Variants in S100Z observed in about 807,000 individuals in gnomAD.
S100Z encodes protein S100-Z.
Under a neutral mutation model 8.5 loss-of-function variants are expected in S100Z, and 11 were observed. The observed-to-expected ratio is 1.30, with a 90% CI of 0.82 to 2.15. S100Z has a LOEUF of 2.15. Among genes scored for constraint, S100Z ranks in the 30% most tolerant of loss-of-function variants. S100Z has a pLI of 0.00. For synonymous variants in S100Z, 34 were observed against 43.8 expected, an observed-to-expected ratio of 0.78 and a Z score of 0.89; for missense variants, 126 against 117.9, an observed-to-expected ratio of 1.07 and a Z score of -0.32.
At chr5:76,933,379 T>C in the S100Z span, among the ~76,000 whole-genome samples, 1 of 152,110 alleles carries the variant, frequency 6.6e-6, no homozygotes, top group Non-Finnish European at 1.5e-5. Context: ...CGAGAGGATT[T>C]CTAGAATTGG....
chr5:76,926,142 G>T (rs1371782618), downstream of S100Z, among the ~76,000 whole-genome samples: 9 of 150,864 alleles, frequency 6.0e-5, no homozygotes. Context: ...GGAGAAGCTT[G>T]TTTTTTTTTC....
intron 4 of S100Z, among the ~76,000 whole-genome samples, chr5:76,908,723 A>G (rs1744543049): frequency 6.6e-6 from 1 of 152,214 alleles, no homozygotes. Flanking sequence ...AATGAGGACA[A>G]AAGGCATCAC....
intron 1 of S100Z, among the ~76,000 whole-genome samples, chr5:76,863,790 G>C (rs551615502): frequency 1.3e-5 from 2 of 152,094 alleles, no homozygotes; most frequent in African/African-American, 4.8e-5. Flanking sequence ...CACCCACCTT[G>C]GCCTCCCAAA....
At chr5:76,948,357 T>C in the S100Z span, among the ~76,000 whole-genome samples, 1 of 80,940 alleles carries the variant, frequency 1.2e-5, no homozygotes, top group Non-Finnish European at 2.8e-5. Context: ...AAATGCCTTC[T>C]GCACAGCAAA....
chr5:76,885,768 A>G (rs921323336), intron 4 of S100Z, among the ~76,000 whole-genome samples: 3 of 150,960 alleles, frequency 2.0e-5, no homozygotes, highest in African/African-American at 7.3e-5. Context: ...GAAGGGATAG[A>G]GACACAGACA....
chr5:76,880,114 G>T (rs1182142134), intron 4 of S100Z, among the ~76,000 whole-genome samples: 1 of 152,194 alleles, frequency 6.6e-6, no homozygotes, highest in African/African-American at 2.4e-5. Flanking sequence ...ACATTCTCAA[G>T]GATGGGGAGA....
intron 4 of S100Z, among the ~76,000 whole-genome samples, chr5:76,906,813 A>T (rs1476273972): frequency 4.6e-5 from 7 of 151,342 alleles, no homozygotes; most frequent in Non-Finnish European, 8.8e-5. Flanking sequence ...TTGTGTTTTT[A>T]GTAGAGACAG....
the S100Z span, among the ~76,000 whole-genome samples, chr5:76,948,386 G>A: frequency 2.3e-4 from 35 of 152,006 alleles, no homozygotes; most frequent in East Asian, 3.7e-3. Context: ...TCAACAGGGT[G>A]CAAAGGTAAC....
At chr5:76,944,297 C>T in the S100Z span, among the ~76,000 whole-genome samples, 9 of 152,152 alleles carry the variant, frequency 5.9e-5, no homozygotes, top group African/African-American at 2.2e-4. Context: ...AATAAAAGCT[C>T]CTTTATTCAA....
chr5:76,865,775 G>C (rs1170897963), intron 1 of S100Z, among the ~76,000 whole-genome samples: 1 of 151,420 alleles, frequency 6.6e-6, no homozygotes, highest in Non-Finnish European at 1.5e-5. Context: ...CACTTTGGGC[G>C]GTTGAGGTGG....
chr5:76,870,091 G>A (rs1178007704), intron 1 of S100Z, 75 bp from the exon 2 acceptor site: 1 of 152,044 alleles, frequency 6.6e-6, no homozygotes, highest in Non-Finnish European at 1.5e-5. Context: ...TGACTGAGGG[G>A]ATGAGTTTTG....
intron 2 of S100Z, among the ~76,000 whole-genome samples, chr5:76,873,329 A>G (rs1257600063): frequency 1.3e-5 from 1 of 74,752 alleles, no homozygotes; most frequent in Non-Finnish European, 2.4e-5. Context: ...TTTTTTTTTG[A>G]GACGGAGTCT....
At chr5:76,944,211 C>T in the S100Z span, among the ~76,000 whole-genome samples, 41 of 152,280 alleles carry the variant, frequency 2.7e-4, no homozygotes, top group African/African-American at 9.6e-4. Context: ...CCCTCATTGC[C>T]TGGTGGGTGC....
chr5:76,913,082 A>G (rs972950882), intron 4 of S100Z, among the ~76,000 whole-genome samples: 2 of 152,246 alleles, frequency 1.3e-5, no homozygotes, highest in African/African-American at 4.8e-5. Flanking sequence ...TTTAGAACCT[A>G]TAATTGATAA....
chr5:76,885,710 AGGAAAGTGGGAACG>A, intron 4 of S100Z, among the ~76,000 whole-genome samples: 2 of 149,702 alleles, frequency 1.3e-5, no homozygotes, highest in Non-Finnish European at 3.0e-5. Flanking sequence ...CTTGTCCCCC[AGGAAAGTGGGAACG>A]GGGTGGGAGG....
intron 4 of S100Z, among the ~76,000 whole-genome samples, chr5:76,879,734 G>C (rs1743327284): frequency 6.6e-6 from 1 of 152,224 alleles, no homozygotes. Flanking sequence ...GAGCCCATAA[G>C]TGATACAAAA....
intron 1 of S100Z, among the ~76,000 whole-genome samples, chr5:76,860,727 T>C (rs183280562): frequency 6.6e-6 from 1 of 152,352 alleles, no homozygotes; most frequent in East Asian, 1.9e-4. Flanking sequence ...GTTAAGATAT[T>C]CAAGGAGGTC....
rs1333665539 is a variant in S100Z at position 76,865,810 on chromosome 5, C to T, written c.-175-4356C>T. Among the ~76,000 whole-genome samples the T allele has an allele frequency of 9.3e-5, 14 of 150,458 alleles. No individual in the cohort carries two copies. The East Asian group carries it at 2.5e-3, about 27-fold the overall frequency. On this transcript the variant is annotated intron_variant, in intron 1 of 4. Transcript: ENST00000317593. ...GGTGGATCACTTGAGGTCAGTAGTT[C>T]GAGACCAGCCTGGCCAACATGGTGA...
the S100Z span, among the ~76,000 whole-genome samples, chr5:76,928,767 G>T: frequency 6.6e-6 from 1 of 152,160 alleles, no homozygotes; most frequent in Non-Finnish European, 1.5e-5. Flanking sequence ...TAGAGATTGG[G>T]TCTCACTCTG....
Sources: allele counts gnomAD v4.1 joint callset (sites outside exome capture counted in the v4.1 genomes callset), GRCh38; gene constraint gnomAD v4.1.1; transcripts MANE v1.5; gene names NCBI Gene and HGNC (gene_info 2026-07-23, HGNC 2026-07-21).